The following PTPRG variants were observed in gnomAD, a reference collection of about 807,000 sequenced individuals.
The protein encoded by PTPRG is protein tyrosine phosphatase receptor type G, also known as receptor-type tyrosine-protein phosphatase gamma.
Under a neutral mutation model 165.3 loss-of-function variants are expected in PTPRG, and 102 were observed. That is an observed-to-expected ratio of 0.62 (90% CI 0.53 to 0.73). The LOEUF (loss-of-function observed/expected upper bound fraction) is 0.73, where lower values mean the gene tolerates loss of function less well. Ranked by LOEUF, PTPRG falls within the 30% of genes least tolerant of loss-of-function variation. The pLI, the probability that PTPRG is intolerant of heterozygous loss-of-function variation, is 0.00. For synonymous variants in PTPRG, 675 were observed against 669.5 expected, an observed-to-expected ratio of 1.01 and a Z score of -0.13; for missense variants, 1,866 against 1,861.4, an observed-to-expected ratio of 1.00 and a Z score of -0.05.
At chr3:62,149,167 A>T (rs937098054) in intron 6 of PTPRG, among the ~76,000 whole-genome samples, 11 of 152,008 alleles carry the variant, frequency 7.2e-5, no homozygotes, top group Non-Finnish European at 1.3e-4. Context: ...TGACAGAACG[A>T]TGACATGCTT....
At chr3:61,969,159 C>T (rs1293152235) in intron 2 of PTPRG, among the ~76,000 whole-genome samples, 1 of 152,134 alleles carries the variant, frequency 6.6e-6, no homozygotes, top group African/African-American at 2.4e-5. Flanking sequence ...AACTGCCTGG[C>T]TCAATGAGTG....
chr3:61,922,595 C>G (rs1275601562), intron 2 of PTPRG, among the ~76,000 whole-genome samples: 3 of 152,208 alleles, frequency 2.0e-5, no homozygotes, highest in Non-Finnish European at 1.5e-5. Flanking sequence ...CTGGAGCATG[C>G]TCTCCCTCAC....
chr3:61,689,826 A>T (rs1029078596), intron 1 of PTPRG, among the ~76,000 whole-genome samples: 1 of 152,242 alleles, frequency 6.6e-6, no homozygotes, highest in Non-Finnish European at 1.5e-5. Flanking sequence ...TTATCCCATC[A>T]TAAAAATTAG....
chr3:62,108,489 G>A (rs1256300819), intron 5 of PTPRG, among the ~76,000 whole-genome samples: 1 of 152,190 alleles, frequency 6.6e-6, no homozygotes, highest in Non-Finnish European at 1.5e-5. Context: ...ATTGTGAACA[G>A]TGCCTCAGTA....
At chr3:61,812,321 A>G (rs1023217411) in intron 2 of PTPRG, among the ~76,000 whole-genome samples, 1 of 152,040 alleles carries the variant, frequency 6.6e-6, no homozygotes, top group Non-Finnish European at 1.5e-5. Flanking sequence ...TTGTCAATCC[A>G]TCTGTGAGCC....
chr3:62,230,847 C>A lies in PTPRG; in HGVS notation c.2289-378C>A, dbSNP rs1302893023. On this transcript the variant is annotated intron_variant, in intron 13 of 29. Transcript: ENST00000474889. ...CCAAATGATCTCCAAGTTCACTTTA[C>A]TCCAATGATATTTTAAGCCATTCTG... 2.6e-5 allele frequency among the ~76,000 whole-genome samples: 4 copies of A among 152,272 alleles called. No individual in the cohort carries two copies. The East Asian group carries it at 7.7e-4, about 29-fold the overall frequency.
chr3:61,730,192 G>T (rs574392631), intron 1 of PTPRG, among the ~76,000 whole-genome samples: 1 of 152,314 alleles, frequency 6.6e-6, no homozygotes, highest in South Asian at 2.1e-4. Context: ...AGAACCAGGG[G>T]CTTGTCCTGC....
At chr3:62,183,767 A>T (rs762380824) in intron 8 of PTPRG, among the ~76,000 whole-genome samples, 2 of 152,010 alleles carry the variant, frequency 1.3e-5, no homozygotes, top group Non-Finnish European at 2.9e-5. Context: ...GGAAATTGTC[A>T]AGAGACCCCA....
rs148352398 is a variant in PTPRG at position 61,887,123 on chromosome 3, C to CAT, written c.191-102455_191-102454dup. Among the ~76,000 whole-genome samples the CAT allele has an allele frequency of 8.4e-3, 719 of 85,482 alleles. 14 individuals are homozygous for CAT. Among genetic ancestry groups the CAT allele is most frequent in the Non-Finnish European group, 1.0e-2 (512 of 51,426 alleles). 56.1% of individuals were successfully genotyped at this position (85,482 alleles called of 152,430 possible). On this transcript the variant is annotated intron_variant, in intron 2 of 29. Coordinates refer to ENST00000474889, the MANE Select transcript of PTPRG (RefSeq NM_002841.4). ...ATTTTTAAAGTATAACCATAGCATGCATATATATATATATATATATATATA... is the reference window on the plus strand; with the variant it reads ...ATTTTTAAAGTATAACCATAGCATGCATATATATATATATATATATATATATA...
In PTPRG at chr3:62,267,705, C is replaced by T. The variant is rs756229616; in HGVS notation, c.2760C>T (p.Ala920=). The change falls in exon 19 of 30, where the codon GCC becomes GCT. Residue 920 remains alanine (A), a synonymous_variant. Transcript: ENST00000474889. ...NYVDGYNKAK[A]YIATQGPLKS... is the part of the protein sequence containing the mutation. ...TGAAGGGTTACAACAAAGCAAAAGC[C>T]TACATTGCCACCCAAGGACCTTTGA... The T allele has an allele frequency of 1.2e-6, 2 of 1,613,254 alleles. No homozygotes were observed. The highest frequency in any genetic ancestry group is 1.7e-6 in the Non-Finnish European group (2 of 1,179,516).
At chr3:61,897,508 A>G (rs1309864392) in intron 2 of PTPRG, among the ~76,000 whole-genome samples, 1 of 152,216 alleles carries the variant, frequency 6.6e-6, no homozygotes, top group Admixed American at 6.5e-5. Flanking sequence ...GTAAGTCAAT[A>G]TCAGGTAGAA....
chr3:62,146,023 AG>A (rs1462120386), intron 6 of PTPRG, among the ~76,000 whole-genome samples: 2 of 152,230 alleles, frequency 1.3e-5, no homozygotes, highest in African/African-American at 4.8e-5. Flanking sequence ...GGAAGCTAAA[AG>A]AATGTACACG....
intron 2 of PTPRG, among the ~76,000 whole-genome samples, chr3:61,847,785 C>T (rs1013247331): frequency 6.6e-6 from 1 of 152,212 alleles, no homozygotes; most frequent in Admixed American, 6.5e-5. Flanking sequence ...GGCTGGTCAA[C>T]ATGTCCAGAT....
At chr3:61,632,711 T>C (rs1160149370) in intron 1 of PTPRG, among the ~76,000 whole-genome samples, 1 of 152,214 alleles carries the variant, frequency 6.6e-6, no homozygotes, top group Non-Finnish European at 1.5e-5. Context: ...ACCCAGCAAG[T>C]GATGATGTAA....
intron 2 of PTPRG, among the ~76,000 whole-genome samples, chr3:61,871,729 G>C (rs1410895877): frequency 6.6e-6 from 1 of 152,140 alleles, no homozygotes; most frequent in Admixed American, 6.5e-5. Flanking sequence ...TGATTTGGGG[G>C]TTGTAGCTTT....
intron 4 of PTPRG, among the ~76,000 whole-genome samples, chr3:62,059,800 A>T (rs1700747795): frequency 6.6e-6 from 1 of 152,150 alleles, no homozygotes; most frequent in Non-Finnish European, 1.5e-5. Flanking sequence ...TGCTGTTCTC[A>T]TGATAGTGAG....
intron 1 of PTPRG, among the ~76,000 whole-genome samples, chr3:61,626,582 G>T (rs1490063671): frequency 6.6e-6 from 1 of 152,174 alleles, no homozygotes; most frequent in Non-Finnish European, 1.5e-5. Context: ...GGTTAGCACT[G>T]TCTGTATCCA....
chr3:61,923,761 G>A (rs2107567531), intron 2 of PTPRG, among the ~76,000 whole-genome samples: 1 of 148,836 alleles, frequency 6.7e-6, no homozygotes, highest in Admixed American at 6.7e-5. Context: ...GAACTGTTGG[G>A]CTCAAGCATT....
chr3:61,944,525 T>G (rs1233479110), intron 2 of PTPRG, among the ~76,000 whole-genome samples: 2 of 152,158 alleles, frequency 1.3e-5, no homozygotes, highest in Admixed American at 6.5e-5. Context: ...CCTCTCAGTT[T>G]GAAGAGCTCT....
Sources: allele counts gnomAD v4.1 joint callset (sites outside exome capture counted in the v4.1 genomes callset), GRCh38; gene constraint gnomAD v4.1.1; transcripts MANE v1.5; gene names NCBI Gene and HGNC (gene_info 2026-07-23, HGNC 2026-07-21).